The following ZNF280C variants were observed in gnomAD, a reference collection of about 807,000 sequenced individuals.
ZNF280C encodes the protein zinc finger protein 280C, also known as suppressor of hairy wing homolog 3.
Under a neutral mutation model 53.6 loss-of-function variants are expected in ZNF280C, and 14 were observed. The ratio of observed to expected loss-of-function variants is 0.26; its 90% CI spans 0.17 to 0.41. ZNF280C has a LOEUF of 0.41. Among genes scored for constraint, ZNF280C ranks in the 10% least tolerant of loss-of-function variants. The pLI is 1.00. For synonymous variants in ZNF280C, 203 were observed against 181.1 expected, an observed-to-expected ratio of 1.12 and a Z score of -0.97; for missense variants, 416 against 547.1, an observed-to-expected ratio of 0.76 and a Z score of 2.39.
intron 2 of ZNF280C, among the ~76,000 whole-genome samples, chrX:130,252,360 C>T (rs892450105): frequency 9.0e-6 from 1 of 111,505 alleles, no homozygotes; most frequent in South Asian, 3.8e-4. Flanking sequence ...AGGACAAAAA[C>T]TATCTGATTA....
chrX:130,214,673 T>C (rs1403984208), intron 15 of ZNF280C, among the ~76,000 whole-genome samples: 6 of 111,859 alleles, frequency 5.4e-5, no homozygotes, highest in East Asian at 2.8e-4. Flanking sequence ...AAATCATCTC[T>C]AGATTTGTGA....
At chrX:130,261,242 CA>C (rs957673911) in intron 1 of ZNF280C, among the ~76,000 whole-genome samples, 5 of 111,365 alleles carry the variant, frequency 4.5e-5, no homozygotes, top group Admixed American at 9.6e-5. Flanking sequence ...TAAACGTTAT[CA>C]AAAAAAATGT....
intron 1 of ZNF280C, among the ~76,000 whole-genome samples, chrX:130,263,227 CA>C (rs763757027): frequency 8.9e-6 from 1 of 112,446 alleles, no homozygotes; most frequent in African/African-American, 3.2e-5. Flanking sequence ...CAATTGAAAA[CA>C]TATGTCCACA....
chrX:130,259,435 C>A (rs1005266230), intron 2 of ZNF280C, among the ~76,000 whole-genome samples: 2 of 112,231 alleles, frequency 1.8e-5, no homozygotes, highest in Admixed American at 9.5e-5. Flanking sequence ...AATAGGTCTT[C>A]CCCATTCTTT....
intron 3 of ZNF280C, among the ~76,000 whole-genome samples, chrX:130,245,234 A>G (rs1783157329): frequency 8.9e-6 from 1 of 111,949 alleles, no homozygotes; most frequent in African/African-American, 3.2e-5. Context: ...ACGAATACAC[A>G]TTGTTTTGGT....
intron 2 of ZNF280C, among the ~76,000 whole-genome samples, chrX:130,259,069 G>T (rs896406331): frequency 2.7e-5 from 3 of 111,664 alleles, no homozygotes; most frequent in African/African-American, 9.8e-5. Flanking sequence ...CAAACCATTA[G>T]ATTTGTTTTT....
chrX:130,230,780 T>A, intron 8 of ZNF280C, 53 bp from the exon 9 acceptor site: 4 of 810,697 alleles, frequency 4.9e-6, no homozygotes, highest in Admixed American at 5.8e-5. Context: ...AAAGATTAGA[T>A]ACCAAAAAAT....
intron 16 of ZNF280C, among the ~76,000 whole-genome samples, chrX:130,208,973 G>C (rs1318786550): frequency 8.9e-6 from 1 of 111,989 alleles, no homozygotes; most frequent in African/African-American, 3.2e-5. Context: ...TAGGATTACA[G>C]GTGTGAACCA....
chrX:130,266,719 G>A (rs1436036174), intron 1 of ZNF280C, among the ~76,000 whole-genome samples: 1 of 111,477 alleles, frequency 9.0e-6, no homozygotes, highest in Non-Finnish European at 1.9e-5. Context: ...TCTACTTTCA[G>A]GAGTCATTTC....
At chrX:130,253,697 T>C (rs2032537345) in intron 2 of ZNF280C, among the ~76,000 whole-genome samples, 2 of 112,225 alleles carry the variant, frequency 1.8e-5, no homozygotes, top group Non-Finnish European at 3.8e-5. Context: ...CCAGGATAAC[T>C]GGCTAGCCAT....
chrX:130,222,330 A>ACACC (rs1491265281), intron 12 of ZNF280C, among the ~76,000 whole-genome samples: 6 of 96,373 alleles, frequency 6.2e-5, no homozygotes, highest in Admixed American at 2.3e-4. Flanking sequence ...ACACACACAC[A>ACACC]CCCTTCTCTA....
chrX:130,246,651 C>T (rs1212648042), intron 3 of ZNF280C, among the ~76,000 whole-genome samples: 1 of 112,042 alleles, frequency 8.9e-6, no homozygotes, highest in Non-Finnish European at 1.9e-5. Flanking sequence ...CTTTTGCTCA[C>T]ATCTGATATT....
chrX:130,224,161 G>C (rs2032197380), intron 12 of ZNF280C, among the ~76,000 whole-genome samples: 1 of 111,722 alleles, frequency 9.0e-6, no homozygotes, highest in East Asian at 2.8e-4. Context: ...ATTAGATTAT[G>C]ATGGTGGAGC....
chrX:130,266,468 A>G (rs2032689589), intron 1 of ZNF280C, among the ~76,000 whole-genome samples: 2 of 112,123 alleles, frequency 1.8e-5, no homozygotes, highest in African/African-American at 6.5e-5. Flanking sequence ...AATGTATTGT[A>G]TATTTCAAAA....
intron 16 of ZNF280C, among the ~76,000 whole-genome samples, chrX:130,206,908 A>AC (rs1209371751): frequency 8.9e-6 from 1 of 111,886 alleles, no homozygotes; most frequent in East Asian, 2.8e-4. Context: ...TCGAGTACTT[A>AC]CTCTATGCCA....
At chrX:130,232,929 T>C (rs1321655677) in intron 8 of ZNF280C, among the ~76,000 whole-genome samples, 8 of 111,498 alleles carry the variant, frequency 7.2e-5, no homozygotes, top group Admixed American at 3.8e-4. Context: ...AGCCAAGACA[T>C]GAAAGCAATC....
chrX:130,227,049 T>C, intron 11 of ZNF280C, 144 bp from the exon 12 acceptor site: 1 of 463,552 alleles, frequency 2.2e-6, no homozygotes, highest in Non-Finnish European at 3.6e-6. Context: ...AGAATCATAT[T>C]ACTGCAAGTA....
chrX:130,251,623 C>T (rs2032511450), intron 2 of ZNF280C, among the ~76,000 whole-genome samples: 2 of 110,463 alleles, frequency 1.8e-5, no homozygotes, highest in Admixed American at 9.7e-5. Context: ...GGGCCGGGCG[C>T]GGTAGTGGTG....
chrX:130,215,650 A>T, intron 14 of ZNF280C, 141 bp downstream of exon 14: 1 of 601,334 alleles, frequency 1.7e-6, no homozygotes, highest in Non-Finnish European at 2.4e-6. Flanking sequence ...CAGCAGTTGT[A>T]AAAAGTACCT....
Sources: allele counts gnomAD v4.1 joint callset (sites outside exome capture counted in the v4.1 genomes callset), GRCh38; gene constraint gnomAD v4.1.1; transcripts MANE v1.5; gene names NCBI Gene and HGNC (gene_info 2026-07-23, HGNC 2026-07-21).